The following PRKDC variants were observed in gnomAD, a reference collection of about 807,000 sequenced individuals.
PRKDC encodes the protein protein kinase, DNA-activated, catalytic subunit.
In PRKDC, 82 loss-of-function variants were observed where a neutral mutation model predicts 486.9. That is an observed-to-expected ratio of 0.17 (90% CI 0.14 to 0.20). PRKDC has a LOEUF of 0.20. PRKDC is among the 10% of genes least tolerant of loss of function. The pLI is 1.00. For synonymous variants in PRKDC, 1,895 were observed against 1,837.0 expected, an observed-to-expected ratio of 1.03 and a Z score of -0.81; for missense variants, 4,504 against 5,038.2, an observed-to-expected ratio of 0.89 and a Z score of 3.21.
intron 35 of PRKDC, 56 bp from the exon 36 acceptor site, chr8:47,886,203 A>G (rs1285597035): frequency 2.1e-6 from 3 of 1,412,580 alleles, no homozygotes; most frequent in Non-Finnish European, 2.8e-6. Flanking sequence ...CATGGCACAG[A>G]AAGACCCTTG....
chr8:47,858,727 GA>G (rs746415092), intron 47 of PRKDC, 92 bp from the exon 48 acceptor site: 78 of 1,443,756 alleles, frequency 5.4e-5, no homozygotes, highest in Non-Finnish European at 6.4e-5. Flanking sequence ...AGTAAGACAT[GA>G]ACAAAAAAAA....
chr8:47,890,372 C>T lies in PRKDC; in HGVS notation c.3956G>A (p.Gly1319Asp). Residue 1319 changes from glycine (G) to aspartate (D), a missense_variant, in exon 32 of 86, where the codon GGT becomes GAT. By Grantham distance (94) the Gly-to-Asp change is moderately conservative (BLOSUM62 -1). Transcript: ENST00000314191. ...AEKCFGTGAA[G>D]NRTSPQEGER... The stretch of plus-strand genomic sequence containing the variant: ...TCCCTCTTGTGGGCTTGTTCTGTTA[C>T]CTGCTGCCCCAGTGCCAAAGCACTT... 4.3e-6 allele frequency: 7 copies of T among 1,612,684 alleles called. No homozygotes were observed. The highest frequency in any genetic ancestry group is 1.1e-5 in the South Asian group (1 of 90,696).
chr8:47,785,340 A>G lies in PRKDC; in HGVS notation c.10903-23T>C, dbSNP rs562608936. The G allele has an allele frequency of 4.2e-4, 641 of 1,516,752 alleles. 10 individuals are homozygous for G. The Admixed American group carries it at 9.2e-3, about 22-fold the overall frequency. 94.0% of individuals were successfully genotyped at this position (1,516,752 alleles called of 1,614,324 possible). ...AGTCTGAAATTAGTAAGAATTTACT[A>G]TAAAGACTGATGTTTAGTTTGGACT... is the stretch of plus-strand genomic sequence containing the variant. On this transcript the variant is annotated intron_variant, in intron 76 of 85. Transcript: ENST00000314191.
intron 21 of PRKDC, among the ~76,000 whole-genome samples, chr8:47,919,885 C>T (rs1024969973): frequency 2.0e-5 from 3 of 152,126 alleles, no homozygotes; most frequent in African/African-American, 4.8e-5. Flanking sequence ...GCGACATGTT[C>T]GTGATGGCCA....
intron 42 of PRKDC, 47 bp downstream of exon 42, chr8:47,863,352 A>G (rs773561000): frequency 6.9e-7 from 1 of 1,444,988 alleles, no homozygotes; most frequent in South Asian, 1.2e-5. Flanking sequence ...ATATGTACCC[A>G]AAGCATTGAT....
intron 59 of PRKDC, among the ~76,000 whole-genome samples, chr8:47,833,382 T>C (rs2087934410): frequency 6.6e-6 from 1 of 152,084 alleles, no homozygotes; most frequent in African/African-American, 2.4e-5. Context: ...CATGGGCCCT[T>C]TCCTCTCTGC....
intron 76 of PRKDC, 102 bp from the exon 77 acceptor site, chr8:47,785,419 T>C: frequency 2.2e-6 from 2 of 926,782 alleles, no homozygotes; most frequent in Non-Finnish European, 3.3e-6. Context: ...CAATGGTATA[T>C]GTTTCTTCTC....
At chr8:47,812,325 T>C (rs891666471) in intron 68 of PRKDC, among the ~76,000 whole-genome samples, 9 of 152,120 alleles carry the variant, frequency 5.9e-5, no homozygotes, top group African/African-American at 1.7e-4. Context: ...AACTGCAGAA[T>C]ATACAAAAAT....
intron 36 of PRKDC, among the ~76,000 whole-genome samples, chr8:47,884,642 T>A (rs1187911412): frequency 6.6e-6 from 1 of 152,192 alleles, no homozygotes. Context: ...ATTTCTAATT[T>A]TAAAGAATAC....
intron 29 of PRKDC, 107 bp downstream of exon 29, chr8:47,898,363 G>T: frequency 1.1e-6 from 1 of 876,276 alleles, no homozygotes; most frequent in Non-Finnish European, 1.8e-6. Context: ...CCTTGTTTAG[G>T]AAGTAATTCC....
At chr8:47,956,590 C>T (rs929238771) in intron 3 of PRKDC, among the ~76,000 whole-genome samples, 1 of 150,940 alleles carries the variant, frequency 6.6e-6, no homozygotes, top group Non-Finnish European at 1.5e-5. Flanking sequence ...GTGGTCCCAG[C>T]AACTTGGGAG....
In PRKDC at chr8:47,773,489, A is replaced by G. The variant is rs1274236500; in HGVS notation, c.*684T>C. On this transcript the variant is annotated 3_prime_UTR_variant, in exon 86 of 86. Coordinates refer to ENST00000314191, the MANE Select transcript of PRKDC (RefSeq NM_006904.7). ...ACTTTTATGTATCTTCCAGTTGTAG[A>G]TTGGAATAGCAAAAGTGAATGCTAT... 3 of 219,738 alleles carry G rather than the reference A, an allele frequency of 1.4e-5. No individual in the cohort carries two copies. Among genetic ancestry groups the G allele is most frequent in the Non-Finnish European group, 2.7e-5 (3 of 109,668 alleles). 13.6% of individuals were successfully genotyped at this position (219,738 alleles called of 1,614,324 possible). A position where few individuals can be genotyped will look rare whatever the true frequency, so the allele number is the denominator to read the frequency against.
At chr8:47,819,041 C>A (rs999852291) in intron 67 of PRKDC, among the ~76,000 whole-genome samples, 13 of 152,168 alleles carry the variant, frequency 8.5e-5, no homozygotes, top group Non-Finnish European at 1.8e-4. Context: ...CGTCTGCAAG[C>A]CCCTGCCTCT....
chr8:47,922,931 C>G (rs941913719), intron 21 of PRKDC, among the ~76,000 whole-genome samples: 1 of 152,116 alleles, frequency 6.6e-6, no homozygotes, highest in Non-Finnish European at 1.5e-5. Flanking sequence ...CAGGACAAAT[C>G]TCGGAAAGCG....
intron 7 of PRKDC, among the ~76,000 whole-genome samples, chr8:47,945,708 A>T (rs925608473): frequency 6.6e-6 from 1 of 152,040 alleles, no homozygotes; most frequent in Non-Finnish European, 1.5e-5. Flanking sequence ...GCTGCTAGGA[A>T]CATAGGTGTG....
At chr8:47,913,816 T>C in intron 24 of PRKDC, 85 bp downstream of exon 24, 4 of 1,278,686 alleles carry the variant, frequency 3.1e-6, no homozygotes, top group Non-Finnish European at 4.1e-6. Flanking sequence ...TTGGAATGGC[T>C]GAAACATGTT....
intron 17 of PRKDC, 109 bp from the exon 18 acceptor site, chr8:47,930,121 TG>T: frequency 5.4e-6 from 5 of 924,900 alleles, no homozygotes; most frequent in Non-Finnish European, 8.1e-6. Flanking sequence ...CGTAACATTT[TG>T]AGGTATCCTA....
chr8:47,793,512 C>T (rs890498913), intron 74 of PRKDC, among the ~76,000 whole-genome samples: 12 of 151,738 alleles, frequency 7.9e-5, no homozygotes, highest in African/African-American at 9.7e-5. Flanking sequence ...TGGTGGCACA[C>T]GCTTGTAATC....
chr8:47,827,000 AT>A, intron 62 of PRKDC, 139 bp from the exon 63 acceptor site: 1 of 768,000 alleles, frequency 1.3e-6, no homozygotes, highest in Non-Finnish European at 2.0e-6. Context: ...GTGTAATGCT[AT>A]TAACACATTT....
Sources: allele counts gnomAD v4.1 joint callset (sites outside exome capture counted in the v4.1 genomes callset), GRCh38; gene constraint gnomAD v4.1.1; transcripts MANE v1.5; gene names NCBI Gene and HGNC (gene_info 2026-07-23, HGNC 2026-07-21).